The following CYSLTR2 variants were observed in gnomAD, a reference collection of about 807,000 sequenced individuals.
CYSLTR2 encodes the protein G-protein coupled receptor GPCR21.
For missense variants in CYSLTR2, 398 were observed against 411.9 expected, an observed-to-expected ratio of 0.97 and a Z score of 0.29; for synonymous variants, 179 against 160.8, an observed-to-expected ratio of 1.11 and a Z score of -0.86.
chr13:48,676,290 G>T (rs1015181658), intron 1 of CYSLTR2, among the ~76,000 whole-genome samples: 3 of 152,180 alleles, frequency 2.0e-5, no homozygotes, highest in Admixed American at 1.3e-4. Flanking sequence ...ATACAGATAC[G>T]ATTGGGACCA....
rs201802420 is a variant in CYSLTR2 at position 48,709,129 on chromosome 13, G to T, written c.*1271G>T. The T allele has an allele frequency of 1.8e-4, 30 of 167,192 alleles. No homozygotes were observed. The highest frequency in any genetic ancestry group is 6.0e-4 in the African/African-American group (25 of 41,576). The allele number at this position is 167,192 out of a possible 1,614,324, so 10.4% of individuals were successfully genotyped here. On this transcript the variant is annotated 3_prime_UTR_variant, in exon 5 of 5. Coordinates refer to ENST00000682523, the MANE Select transcript of CYSLTR2 (RefSeq NM_001308476.3). ...GCTAGTAAGAGTTTTAAAAATCTCT[G>T]TGCAGAAGTGTTGGCTGGGTGCTCT...
At chr13:48,681,907 T>C (rs1953765792) in intron 1 of CYSLTR2, among the ~76,000 whole-genome samples, 1 of 152,204 alleles carries the variant, frequency 6.6e-6, no homozygotes, top group African/African-American at 2.4e-5. Context: ...CTTCTTAAAC[T>C]GTAAGCTTTC....
At chr13:48,671,564 T>C (rs1453927941) in intron 1 of CYSLTR2, among the ~76,000 whole-genome samples, 1 of 152,238 alleles carries the variant, frequency 6.6e-6, no homozygotes, top group Non-Finnish European at 1.5e-5. Context: ...GTTCTGTTTA[T>C]GTGATGAATT....
chr13:48,681,477 T>C (rs1305542607), intron 1 of CYSLTR2, among the ~76,000 whole-genome samples: 1 of 152,168 alleles, frequency 6.6e-6, no homozygotes, highest in Admixed American at 6.6e-5. Context: ...TGGTAGTAAG[T>C]GCCTTGCTTC....
At chr13:48,700,692 A>G (rs1954317661) in intron 4 of CYSLTR2, among the ~76,000 whole-genome samples, 1 of 152,208 alleles carries the variant, frequency 6.6e-6, no homozygotes, top group African/African-American at 2.4e-5. Flanking sequence ...GAAAGAAATA[A>G]AGGGTATTAA....
At chr13:48,674,257 A>C (rs1279036073) in intron 1 of CYSLTR2, among the ~76,000 whole-genome samples, 1 of 152,160 alleles carries the variant, frequency 6.6e-6, no homozygotes, top group African/African-American at 2.4e-5. Context: ...TTTCAGGTAC[A>C]CCAATCAGAT....
intron 1 of CYSLTR2, among the ~76,000 whole-genome samples, chr13:48,678,631 C>T (rs1330145179): frequency 6.6e-6 from 1 of 152,164 alleles, no homozygotes; most frequent in Non-Finnish European, 1.5e-5. Flanking sequence ...AGGACAGCTC[C>T]ATTTGCCTAT....
intron 2 of CYSLTR2, among the ~76,000 whole-genome samples, chr13:48,692,246 C>G (rs1024469919): frequency 1.3e-5 from 2 of 151,848 alleles, no homozygotes; most frequent in Non-Finnish European, 2.9e-5. Flanking sequence ...TTTATTAAAG[C>G]AAGGAGTCTT....
intron 4 of CYSLTR2, among the ~76,000 whole-genome samples, chr13:48,702,219 T>C (rs1954368458): frequency 7.5e-6 from 1 of 132,846 alleles, no homozygotes. Context: ...ATGAGAACAC[T>C]TGGACACAGG....
intron 1 of CYSLTR2, among the ~76,000 whole-genome samples, chr13:48,674,001 T>G: frequency 6.6e-6 from 1 of 152,266 alleles, no homozygotes; most frequent in Non-Finnish European, 1.5e-5. Context: ...GCGGTTAGTC[T>G]GATGGGCTTC....
chr13:48,681,022 C>T (rs945123067), intron 1 of CYSLTR2, among the ~76,000 whole-genome samples: 1 of 151,654 alleles, frequency 6.6e-6, no homozygotes, highest in African/African-American at 2.4e-5. Flanking sequence ...ATATTTTTTT[C>T]CTTTAGCTTT....
chr13:48,685,559 A>T (rs1953874897), intron 1 of CYSLTR2, among the ~76,000 whole-genome samples: 1 of 152,316 alleles, frequency 6.6e-6, no homozygotes, highest in East Asian at 1.9e-4. Context: ...CTAGGAAACT[A>T]GTACAACCTC....
chr13:48,666,990 A>G (rs989745820), intron 1 of CYSLTR2, among the ~76,000 whole-genome samples: 4 of 152,156 alleles, frequency 2.6e-5, no homozygotes, highest in Admixed American at 6.5e-5. Flanking sequence ...ATGTGTTCCT[A>G]TGTTGATTTC....
At chr13:48,677,195 G>A (rs1953619796) in intron 1 of CYSLTR2, among the ~76,000 whole-genome samples, 1 of 152,206 alleles carries the variant, frequency 6.6e-6, no homozygotes. Context: ...AAGGAAGTTT[G>A]AGAAGAGAAC....
intron 1 of CYSLTR2, among the ~76,000 whole-genome samples, chr13:48,662,677 A>G (rs970943393): frequency 6.6e-6 from 1 of 152,120 alleles, no homozygotes; most frequent in Non-Finnish European, 1.5e-5. Context: ...GTCTGTTTAA[A>G]TCATTTACCC....
At chr13:48,673,060 G>C (rs1012430754) in intron 1 of CYSLTR2, among the ~76,000 whole-genome samples, 5 of 152,214 alleles carry the variant, frequency 3.3e-5, no homozygotes, top group African/African-American at 9.6e-5. Context: ...GCAATGTGGT[G>C]CTGAGAAGAA....
At chr13:48,696,014 C>G (rs1415900089) in intron 3 of CYSLTR2, among the ~76,000 whole-genome samples, 1 of 152,246 alleles carries the variant, frequency 6.6e-6, no homozygotes, top group African/African-American at 2.4e-5. Flanking sequence ...TATCATTTTA[C>G]ACTCTCACCA....
intron 3 of CYSLTR2, among the ~76,000 whole-genome samples, chr13:48,695,385 CTTTCTT>C: frequency 1.1e-5 from 1 of 88,996 alleles, no homozygotes; most frequent in Non-Finnish European, 2.1e-5. Context: ...TTCTTTCTTT[CTTTCTT>C]TCTCTCTCTC....
Position 48,710,722 on chromosome 13 carries a change from CACTT to C in CYSLTR2, c.*2866_*2869del, listed in dbSNP as rs746070405. The C allele has an allele frequency of 6.6e-6, 1 of 152,176 alleles. No individual in the cohort carries two copies. The highest frequency in any genetic ancestry group is 2.4e-5 in the African/African-American group (1 of 41,446). 9.4% of individuals were successfully genotyped at this position (152,176 alleles called of 1,614,324 possible). On this transcript the variant is annotated 3_prime_UTR_variant, in exon 5 of 5. Transcript: ENST00000682523. ...ATTACACCCCACGGTGTGTGATAAACACTTAGTTAAGATGAAAAGGTATTAAATT... is the reference window on the plus strand; with the variant it reads ...ATTACACCCCACGGTGTGTGATAAACAGTTAAGATGAAAAGGTATTAAATT...
Sources: gnomAD v4.1 joint callset for allele counts (sites outside exome capture counted in the v4.1 genomes callset) on GRCh38, gnomAD v4.1.1 for gene constraint, MANE v1.5 for transcripts, NCBI Gene and HGNC (gene_info 2026-07-23, HGNC 2026-07-21) for gene names.